The following TIAM1 variants were observed in gnomAD, a reference collection of about 807,000 sequenced individuals.
TIAM1 encodes the protein rho guanine nucleotide exchange factor TIAM1.
TIAM1 carries 65 observed loss-of-function variants against 163.5 expected under a neutral mutation model. The observed-to-expected ratio is 0.40, with a 90% CI of 0.33 to 0.49. The LOEUF is 0.49. Among genes scored for constraint, TIAM1 ranks in the 20% least tolerant of loss-of-function variants. The probability of loss-of-function intolerance (pLI) is 0.77; values close to 1 mark genes in which losing one functional copy is unlikely to be tolerated. For synonymous variants in TIAM1, 833 were observed against 810.1 expected, an observed-to-expected ratio of 1.03 and a Z score of -0.48; for missense variants, 1,789 against 2,044.7, an observed-to-expected ratio of 0.87 and a Z score of 2.41.
chr21:31,411,760 G>A (rs111629562), intron 2 of TIAM1, among the ~76,000 whole-genome samples: 212 of 152,300 alleles, frequency 1.4e-3, no homozygotes, highest in African/African-American at 4.9e-3. Flanking sequence ...ACAGGCATGA[G>A]CTACCATGCC....
intron 1 of TIAM1, among the ~76,000 whole-genome samples, chr21:31,504,063 C>T (rs2147454703): frequency 6.6e-6 from 1 of 152,236 alleles, no homozygotes; most frequent in African/African-American, 2.4e-5. Flanking sequence ...CCTGCCCAAC[C>T]TTACAGTGAA....
intron 2 of TIAM1, among the ~76,000 whole-genome samples, chr21:31,363,476 GA>G (rs2076442611): frequency 6.6e-6 from 1 of 152,030 alleles, no homozygotes; most frequent in African/African-American, 2.4e-5. Context: ...GTAAGAAGCA[GA>G]GAAGATCTGC....
chr21:31,181,904 C>T (rs559213371), intron 15 of TIAM1, among the ~76,000 whole-genome samples: 27 of 150,142 alleles, frequency 1.8e-4, no homozygotes, highest in African/African-American at 6.4e-4. Flanking sequence ...CCTGACTCAG[C>T]CTCCCAAGTA....
rs371437015 is a variant in TIAM1 at position 31,279,204 on chromosome 21, G to A, written c.-188-2296C>T. Among the ~76,000 whole-genome samples, 28 of 152,198 alleles carry A rather than the reference G, an allele frequency of 1.8e-4. No homozygotes were observed. In the East Asian group the frequency reaches 3.9e-3, roughly 21 times the overall value. ...TGAAAAACACGAAGGAAAGCAAAAC[G>A]GAGTCGATTTGGTATAACTTCTTTC... On this transcript the variant is annotated intron_variant, in intron 2 of 27. Coordinates refer to ENST00000541036, the MANE Select transcript of TIAM1 (RefSeq NM_001353694.2).
rs746376907 is a variant in TIAM1 at position 31,266,203 on chromosome 21, CAGT to C, written c.767_769del (p.Tyr256del). The C allele has an allele frequency of 5.6e-6, 9 of 1,614,004 alleles. No homozygotes were observed. Among genetic ancestry groups the C allele is most frequent in the Admixed American group, 3.3e-5 (2 of 60,010 alleles). ...GGGAATATCAGACACCAAATTCCGA[CAGT>C]AGCCTGCAAATTTGCTCCCCGGCCC... On this transcript the variant is annotated inframe_deletion, in exon 4 of 28. Coordinates refer to ENST00000541036, the MANE Select transcript of TIAM1 (RefSeq NM_001353694.2).
chr21:31,328,990 C>G (rs1212084559), intron 2 of TIAM1, among the ~76,000 whole-genome samples: 1 of 152,094 alleles, frequency 6.6e-6, no homozygotes, highest in African/African-American at 2.4e-5. Context: ...TACAGTATAA[C>G]AACTATTACC....
rs556620662 is a variant in TIAM1, at chr21:31,301,200, C to T, written c.-188-24292G>A. Among the ~76,000 whole-genome samples the T allele has an allele frequency of 4.6e-5, 7 of 152,330 alleles. No homozygotes were observed. In the South Asian group the frequency reaches 6.2e-4, roughly 14 times the overall value. ...CTCGAATGCAGATGTGCTATCCTCA[C>T]GAGTTCTCCTGGAAGGATCCAGACC... On this transcript the variant is annotated intron_variant, in intron 2 of 27. Transcript: ENST00000541036.
chr21:31,296,767 A>C (rs940706905), intron 2 of TIAM1, among the ~76,000 whole-genome samples: 10 of 151,892 alleles, frequency 6.6e-5, no homozygotes, highest in Admixed American at 3.3e-4. Flanking sequence ...GGGTTCAAGC[A>C]ATTCTCCTGC....
At chr21:31,136,977 A>T (rs1263157935) in intron 22 of TIAM1, among the ~76,000 whole-genome samples, 1 of 152,238 alleles carries the variant, frequency 6.6e-6, no homozygotes, top group Non-Finnish European at 1.5e-5. Flanking sequence ...AGAGACCATG[A>T]GGTTTAGTCG....
At chr21:31,497,025 A>C (rs1268533089) in intron 1 of TIAM1, among the ~76,000 whole-genome samples, 1 of 152,164 alleles carries the variant, frequency 6.6e-6, no homozygotes, top group African/African-American at 2.4e-5. Flanking sequence ...CTGATCTGAC[A>C]AAAGGTAGAG....
chr21:31,333,678 G>A (rs989642074), intron 2 of TIAM1, among the ~76,000 whole-genome samples: 6 of 152,148 alleles, frequency 3.9e-5, no homozygotes, highest in African/African-American at 1.4e-4. Flanking sequence ...AGGCTCAAGT[G>A]ATCTTCCCAC....
chr21:31,469,412 C>CT, intron 1 of TIAM1, among the ~76,000 whole-genome samples: 1 of 152,222 alleles, frequency 6.6e-6, no homozygotes, highest in East Asian at 1.9e-4. Context: ...GTCTGCTTTT[C>CT]TTAACTCCGT....
chr21:31,321,872 G>A (rs971217034), intron 2 of TIAM1, among the ~76,000 whole-genome samples: 2 of 151,740 alleles, frequency 1.3e-5, no homozygotes, highest in Admixed American at 1.3e-4. Flanking sequence ...GGCCAAAATG[G>A]TGAAACCCCA....
At chr21:31,134,298 T>C (rs376575830) in intron 23 of TIAM1, among the ~76,000 whole-genome samples, 1 of 152,048 alleles carries the variant, frequency 6.6e-6, no homozygotes, top group African/African-American at 2.4e-5. Context: ...ATCCCATGAA[T>C]GACCCATTAA....
chr21:31,159,495 C>T (rs2083793955), intron 16 of TIAM1, among the ~76,000 whole-genome samples: 2 of 152,204 alleles, frequency 1.3e-5, no homozygotes, highest in Admixed American at 1.3e-4. Flanking sequence ...TTTAACACAT[C>T]CCACAGATTT....
intron 13 of TIAM1, among the ~76,000 whole-genome samples, chr21:31,189,191 A>T (rs766245934): frequency 6.6e-6 from 1 of 150,806 alleles, no homozygotes; most frequent in Non-Finnish European, 1.5e-5. Flanking sequence ...AGTAGCTGGG[A>T]TTACAGGCAC....
intron 16 of TIAM1, among the ~76,000 whole-genome samples, chr21:31,159,914 G>C (rs1203907710): frequency 3.9e-5 from 6 of 152,154 alleles, no homozygotes; most frequent in Admixed American, 3.9e-4. Context: ...CCAGTAACAC[G>C]TCCCCTGAGC....
chr21:31,325,524 C>T (rs917581118), intron 2 of TIAM1, among the ~76,000 whole-genome samples: 23 of 151,818 alleles, frequency 1.5e-4, no homozygotes, highest in Admixed American at 7.9e-4. Flanking sequence ...AATAATTAGC[C>T]AGGTGTAGTG....
At chr21:31,519,149 T>C (rs944924949) in intron 1 of TIAM1, among the ~76,000 whole-genome samples, 8 of 151,790 alleles carry the variant, frequency 5.3e-5, no homozygotes, top group Non-Finnish European at 1.0e-4. Context: ...CTACTAAAAA[T>C]ACAAAATTAG....
Sources: gnomAD v4.1 joint callset for allele counts (sites outside exome capture counted in the v4.1 genomes callset) on GRCh38, gnomAD v4.1.1 for gene constraint, MANE v1.5 for transcripts, NCBI Gene and HGNC (gene_info 2026-07-23, HGNC 2026-07-21) for gene names.